The following KDM4C variants were observed in gnomAD, a reference collection of about 807,000 sequenced individuals.
KDM4C encodes the protein lysine-specific demethylase 4C.
In KDM4C, 81 loss-of-function variants were observed where a neutral mutation model predicts 129.3. The observed-to-expected ratio is 0.63, with a 90% CI of 0.52 to 0.75. The LOEUF is 0.75. KDM4C is among the 30% of genes least tolerant of loss of function. The probability of loss-of-function intolerance (pLI) is 0.00; values close to 1 mark genes in which losing one functional copy is unlikely to be tolerated. For synonymous variants in KDM4C, 573 were observed against 456.1 expected (o/e 1.26, Z -3.26); for missense variants, 1,457 against 1,304.0 (o/e 1.12, Z -1.81).
At position 7,015,283 on chromosome 9, in the gene KDM4C, G is replaced by C. The variant is rs558741255; in HGVS notation, c.2183-570G>C. ...TTTCAGAATTCTCTTATCTCAAGAA[G>C]TCAGAGTGACATGTGTTCCTTGATG... is the stretch of plus-strand genomic sequence containing the variant. On this transcript the variant is annotated intron_variant, in intron 14 of 21. Coordinates refer to ENST00000381309, the MANE Select transcript of KDM4C (RefSeq NM_015061.6). 2.0e-5 allele frequency among the ~76,000 whole-genome samples: 3 copies of C among 152,126 alleles called. No individual in the cohort carries two copies. The East Asian group carries it at 5.8e-4, about 29-fold the overall frequency.
At chr9:7,062,696 T>A (rs895613146) in intron 17 of KDM4C, among the ~76,000 whole-genome samples, 36 of 152,080 alleles carry the variant, frequency 2.4e-4, no homozygotes, top group African/African-American at 8.7e-4. Flanking sequence ...CTTTTTTTTT[T>A]CCCCACCATT....
intron 8 of KDM4C, among the ~76,000 whole-genome samples, chr9:6,932,779 G>T (rs1445716807): frequency 6.6e-6 from 1 of 152,182 alleles, no homozygotes; most frequent in African/African-American, 2.4e-5. Context: ...TTGCATGATG[G>T]GGGAGGTGCC....
chr9:6,991,486 A>G (rs1367665414), intron 12 of KDM4C, among the ~76,000 whole-genome samples: 1 of 152,018 alleles, frequency 6.6e-6, no homozygotes, highest in African/African-American at 2.4e-5. Flanking sequence ...TCCTAGCATC[A>G]TGAAGGCCTT....
At chr9:6,915,885 C>G (rs574902129) in intron 8 of KDM4C, among the ~76,000 whole-genome samples, 152 of 152,304 alleles carry the variant, frequency 1.0e-3, no homozygotes, top group African/African-American at 3.5e-3. Context: ...GCATGAGAAG[C>G]TCGCAAAGAC....
chr9:6,766,019 C>T lies in KDM4C; in HGVS notation c.-18+7816C>T, dbSNP rs188461361. ...GGCCAGGCTGGTCACTAACTCCTGA[C>T]CTCAGGTGATCCGCCCACCTCAGCC... On this transcript the variant is annotated intron_variant, in intron 1 of 21. Coordinates refer to ENST00000381309, the MANE Select transcript of KDM4C (RefSeq NM_015061.6). 3.4e-3 allele frequency among the ~76,000 whole-genome samples: 525 copies of T among 152,244 alleles called. 6 individuals are homozygous for T. Among genetic ancestry groups the T allele is most frequent in the African/African-American group, 0.012 (495 of 41,540 alleles).
chr9:6,809,833 A>G (rs1830811371), intron 3 of KDM4C, among the ~76,000 whole-genome samples: 2 of 152,160 alleles, frequency 1.3e-5, no homozygotes, highest in Admixed American at 1.3e-4. Flanking sequence ...TCCAGTCTCT[A>G]CAATAAATAC....
At chr9:7,091,543 G>A (rs1300142493) in intron 17 of KDM4C, among the ~76,000 whole-genome samples, 2 of 152,164 alleles carry the variant, frequency 1.3e-5, no homozygotes, top group Non-Finnish European at 2.9e-5. Flanking sequence ...TTTGTTGAGA[G>A]TTAGACAGAT....
chr9:6,905,448 G>GT (rs1563790960), intron 8 of KDM4C, among the ~76,000 whole-genome samples: 2 of 152,164 alleles, frequency 1.3e-5, no homozygotes, highest in Non-Finnish European at 2.9e-5. Context: ...TAGGTATATG[G>GT]TCATAATTTT....
chr9:6,808,717 G>T (rs62568057), intron 3 of KDM4C, among the ~76,000 whole-genome samples: 1 of 149,358 alleles, frequency 6.7e-6, no homozygotes, highest in African/African-American at 2.5e-5. Context: ...AAAAGAAGTG[G>T]CACACTGTTA....
At chr9:6,829,184 T>G (rs1311339443) in intron 4 of KDM4C, among the ~76,000 whole-genome samples, 1 of 152,172 alleles carries the variant, frequency 6.6e-6, no homozygotes, top group Non-Finnish European at 1.5e-5. Flanking sequence ...ATGGCATGAA[T>G]ACTACACACA....
rs578136364 is a variant in KDM4C, at chr9:7,174,296, T to C, written c.2995-257T>C. Among the ~76,000 whole-genome samples, 3 of 152,276 alleles carry C rather than the reference T, an allele frequency of 2.0e-5. No homozygotes were observed. The East Asian group carries it at 5.8e-4, about 29-fold the overall frequency. The stretch of plus-strand genomic sequence containing the variant: ...AGGGAAGTTTAAAACGAGAAGACTT[T>C]AATCTTGCTTTTGTTTGGGGAAGGT... On this transcript the variant is annotated intron_variant, in intron 21 of 21. Transcript: ENST00000381309.
At chr9:7,119,186 A>G (rs2133278178) in intron 18 of KDM4C, among the ~76,000 whole-genome samples, 1 of 152,202 alleles carries the variant, frequency 6.6e-6, no homozygotes, top group East Asian at 1.9e-4. Context: ...GTTTCATTTC[A>G]TTACTGTGTC....
chr9:6,834,855 T>C, intron 4 of KDM4C: 1 of 1,359,252 alleles, frequency 7.4e-7, no homozygotes, highest in Non-Finnish European at 1.1e-6. Context: ...GCCATGTACA[T>C]GGCCATCCAG....
chr9:6,937,222 A>G (rs924247465), intron 8 of KDM4C, among the ~76,000 whole-genome samples: 2 of 152,202 alleles, frequency 1.3e-5, no homozygotes, highest in African/African-American at 4.8e-5. Flanking sequence ...GAGTAATTAA[A>G]AATTTACTCT....
chr9:6,767,012 T>C (rs1157894896), intron 1 of KDM4C, among the ~76,000 whole-genome samples: 6 of 152,228 alleles, frequency 3.9e-5, no homozygotes, highest in African/African-American at 1.4e-4. Flanking sequence ...GATTCTGTTC[T>C]GTTCTGAGAG....
intron 4 of KDM4C, among the ~76,000 whole-genome samples, chr9:6,842,703 A>G (rs1260747004): frequency 6.6e-6 from 1 of 152,164 alleles, no homozygotes; most frequent in Non-Finnish European, 1.5e-5. Context: ...AAAAAAAATC[A>G]GAAAATCTGG....
upstream of KDM4C, among the ~76,000 whole-genome samples, chr9:6,754,874 T>G (rs1364305987): frequency 9.2e-6 from 1 of 108,898 alleles, no homozygotes; most frequent in Non-Finnish European, 1.8e-5. Flanking sequence ...AGATCCTGTC[T>G]CAAAGTAAAA....
intron 5 of KDM4C, among the ~76,000 whole-genome samples, chr9:6,858,459 T>C (rs1840300484): frequency 6.6e-6 from 1 of 152,182 alleles, no homozygotes; most frequent in South Asian, 2.1e-4. Flanking sequence ...ACTTTCTTTA[T>C]TGTGTACTTC....
intron 19 of KDM4C, among the ~76,000 whole-genome samples, chr9:7,161,131 C>G (rs995174442): frequency 6.6e-6 from 1 of 152,240 alleles, no homozygotes; most frequent in African/African-American, 2.4e-5. Flanking sequence ...ACGGGACCCA[C>G]CGAGCCAGGC....
Sources: allele counts gnomAD v4.1 joint callset (sites outside exome capture counted in the v4.1 genomes callset), GRCh38; gene constraint gnomAD v4.1.1; transcripts MANE v1.5; gene names NCBI Gene and HGNC (gene_info 2026-07-23, HGNC 2026-07-21).